The following CDH13 variants were observed in gnomAD, a reference collection of about 807,000 sequenced individuals.
The protein encoded by CDH13 is cadherin-13.
CDH13 carries 24 observed loss-of-function variants against 63.8 expected under a neutral mutation model. The ratio of observed to expected loss-of-function variants is 0.38; its 90% CI spans 0.27 to 0.53. The LOEUF (loss-of-function observed/expected upper bound fraction) is 0.53, where lower values mean the gene tolerates loss of function less well. Ranked by LOEUF, CDH13 falls within the 20% of genes least tolerant of loss-of-function variation. The probability of loss-of-function intolerance (pLI) is 0.85; values close to 1 mark genes in which losing one functional copy is unlikely to be tolerated. For synonymous variants in CDH13, 503 were observed against 355.3 expected (o/e 1.42, Z -4.67); for missense variants, 1,049 against 903.1 (o/e 1.16, Z -2.07).
At position 83,308,862 on chromosome 16, in the gene CDH13, G is replaced by A. The variant is rs78999458; in HGVS notation, c.637-36000G>A. On this transcript the variant is annotated intron_variant, in intron 5 of 13. Coordinates refer to ENST00000567109, the MANE Select transcript of CDH13 (RefSeq NM_001257.5). ...TGAAACAGAAGTTTACTAAGATGCT[G>A]AAACTTAAAGAATGAAAACCATCAA... is the stretch of plus-strand genomic sequence containing the variant. 3.9e-5 allele frequency among the ~76,000 whole-genome samples: 6 copies of A among 152,336 alleles called. No homozygotes were observed. In the East Asian group the frequency reaches 1.2e-3, roughly 29 times the overall value.
intron 1 of CDH13, among the ~76,000 whole-genome samples, chr16:82,710,326 G>T (rs2031815057): frequency 6.9e-6 from 1 of 144,992 alleles, no homozygotes; most frequent in Non-Finnish European, 1.5e-5. Flanking sequence ...GAGGTCAGGA[G>T]ATCGAGACCA....
At chr16:83,206,219 C>T (rs2039177232) in intron 4 of CDH13, among the ~76,000 whole-genome samples, 1 of 152,222 alleles carries the variant, frequency 6.6e-6, no homozygotes, top group Non-Finnish European at 1.5e-5. Context: ...CAAAAACAAA[C>T]ACAAGTACTG....
At chr16:82,793,381 GA>G (rs11345402) in intron 1 of CDH13, among the ~76,000 whole-genome samples, 69,304 of 149,660 alleles carry the variant, frequency 0.46, 16,764 homozygotes, top group East Asian at 0.61. Context: ...AAAAGGGAGG[GA>G]AAAAAAAAAT....
intron 5 of CDH13, among the ~76,000 whole-genome samples, chr16:83,289,719 G>C (rs2089419312): frequency 6.6e-6 from 1 of 152,112 alleles, no homozygotes; most frequent in Non-Finnish European, 1.5e-5. Context: ...ACGTGGTTTA[G>C]CTTCTTGGTG....
intron 5 of CDH13, among the ~76,000 whole-genome samples, chr16:83,303,843 G>A (rs890951050): frequency 6.6e-6 from 1 of 152,096 alleles, no homozygotes; most frequent in Non-Finnish European, 1.5e-5. Flanking sequence ...CTACACCTTG[G>A]CAAGGGCACA....
At chr16:83,574,355 G>A (rs546172238) in intron 7 of CDH13, among the ~76,000 whole-genome samples, 6 of 152,254 alleles carry the variant, frequency 3.9e-5, no homozygotes, top group South Asian at 2.1e-4. Flanking sequence ...TTATTGACAC[G>A]TTTGACTACC....
chr16:82,925,281 C>T (rs560536158), intron 2 of CDH13, among the ~76,000 whole-genome samples: 5 of 152,120 alleles, frequency 3.3e-5, no homozygotes, highest in Admixed American at 2.6e-4. Context: ...CTCAGAGCAC[C>T]CCTAGCTGGT....
At chr16:83,758,090 A>G (rs1422385082) in intron 11 of CDH13, among the ~76,000 whole-genome samples, 2 of 152,110 alleles carry the variant, frequency 1.3e-5, no homozygotes, top group African/African-American at 4.8e-5. Context: ...TTATGGAAAA[A>G]AAAAAAATGT....
intron 10 of CDH13, among the ~76,000 whole-genome samples, chr16:83,707,925 C>T (rs7190023): frequency 1.3e-5 from 2 of 150,726 alleles, no homozygotes; most frequent in Non-Finnish European, 1.5e-5. Context: ...CCTAATGACA[C>T]CTTCTCTTTG....
chr16:83,731,705 GTGCAGAA>G (rs1014041126), intron 10 of CDH13, among the ~76,000 whole-genome samples: 2 of 152,230 alleles, frequency 1.3e-5, no homozygotes, highest in African/African-American at 4.8e-5. Flanking sequence ...CAAGGTCAAT[GTGCAGAA>G]TGCTATTTCC....
At chr16:83,344,636 AT>A (rs2090798904) in intron 5 of CDH13, among the ~76,000 whole-genome samples, 1 of 152,162 alleles carries the variant, frequency 6.6e-6, no homozygotes, top group Admixed American at 6.5e-5. Context: ...TGATGAATTA[AT>A]TGTAAATTTC....
chr16:83,286,870 G>T (rs1249666064), intron 5 of CDH13, among the ~76,000 whole-genome samples: 2 of 151,358 alleles, frequency 1.3e-5, no homozygotes, highest in East Asian at 3.9e-4. Flanking sequence ...CTTGTGAGTG[G>T]ACTGAGGCTC....
chr16:83,573,292 A>T (rs977268498), intron 7 of CDH13, among the ~76,000 whole-genome samples: 1 of 152,142 alleles, frequency 6.6e-6, no homozygotes, highest in Non-Finnish European at 1.5e-5. Flanking sequence ...AATGATTTGG[A>T]TCCTTAGGTT....
chr16:83,191,490 CACAT>C (rs2038704126), intron 4 of CDH13, among the ~76,000 whole-genome samples: 9 of 66,292 alleles, frequency 1.4e-4, no homozygotes, highest in Admixed American at 5.2e-4. Context: ...TATATATATG[CACAT>C]ATATATATAT....
At chr16:83,222,719 C>G (rs112318874) in intron 5 of CDH13, among the ~76,000 whole-genome samples, 6 of 152,086 alleles carry the variant, frequency 3.9e-5, no homozygotes, top group African/African-American at 1.2e-4. Flanking sequence ...TCAACAAAAT[C>G]ACCTCCAACT....
At chr16:83,064,372 A>G (rs2031832044) in intron 3 of CDH13, among the ~76,000 whole-genome samples, 2 of 152,176 alleles carry the variant, frequency 1.3e-5, no homozygotes, top group South Asian at 2.1e-4. Context: ...GTCTCAAAAA[A>G]AAGAAAGTTA....
In CDH13 at chr16:83,412,377, G is replaced by A. The variant is rs543195786; in HGVS notation, c.781+67371G>A. On this transcript the variant is annotated intron_variant, in intron 6 of 13. Transcript: ENST00000567109. ...CTTGGGATGCTGAGGCAGGAGAATC[G>A]CTTGAACCTAGGAGGCAGAGGTTGC... 9.2e-5 allele frequency among the ~76,000 whole-genome samples: 14 copies of A among 152,250 alleles called. No individual in the cohort carries two copies. In the East Asian group the frequency reaches 2.5e-3, roughly 27 times the overall value.
chr16:82,741,506 G>A (rs1214814603), intron 1 of CDH13, among the ~76,000 whole-genome samples: 6 of 152,248 alleles, frequency 3.9e-5, no homozygotes, highest in East Asian at 1.9e-4. Flanking sequence ...TCATTCATGC[G>A]CCTTTTGCTG....
chr16:82,820,604 A>G (rs957321825), intron 1 of CDH13, among the ~76,000 whole-genome samples: 8 of 152,168 alleles, frequency 5.3e-5, no homozygotes, highest in African/African-American at 1.9e-4. Flanking sequence ...CACGGAACAC[A>G]TTTTTATTGA....
Sources: allele counts gnomAD v4.1 joint callset (sites outside exome capture counted in the v4.1 genomes callset), GRCh38; gene constraint gnomAD v4.1.1; transcripts MANE v1.5; gene names NCBI Gene and HGNC (gene_info 2026-07-23, HGNC 2026-07-21).